The following OLFM4 variants were observed in gnomAD, a reference collection of about 807,000 sequenced individuals.
OLFM4 encodes olfactomedin-4.
Under a neutral mutation model 25.5 loss-of-function variants are expected in OLFM4, and 22 were observed. That is an observed-to-expected ratio of 0.86 (90% CI 0.62 to 1.23). The LOEUF is 1.23. OLFM4 is among the 50% of genes most tolerant of loss of function. The probability of loss-of-function intolerance (pLI) is 0.00; values close to 1 mark genes in which losing one functional copy is unlikely to be tolerated. For synonymous variants in OLFM4, 255 were observed against 237.7 expected (o/e 1.07, Z -0.67); for missense variants, 594 against 619.4 (o/e 0.96, Z 0.44).
chr13:53,041,742 A>G (rs978240692), intron 2 of OLFM4, among the ~76,000 whole-genome samples, 168 bp from the exon 3 acceptor site: 7 of 152,350 alleles, frequency 4.6e-5, no homozygotes, highest in Middle Eastern at 3.4e-3. Context: ...AGTTCTTTGT[A>G]TATGGATAGA....
intron 2 of OLFM4, among the ~76,000 whole-genome samples, chr13:53,034,989 T>G (rs903962851): frequency 1.3e-5 from 2 of 152,108 alleles, no homozygotes; most frequent in African/African-American, 4.8e-5. Flanking sequence ...CCTCAATCCT[T>G]GCCCTTATTC....
Position 53,043,782 on chromosome 13 carries a change from C to T in OLFM4, c.730+518C>T, listed in dbSNP as rs76593184. 5.2e-3 allele frequency among the ~76,000 whole-genome samples: 787 copies of T among 152,030 alleles called. 4 individuals carry two copies. The highest frequency in any genetic ancestry group is 9.1e-3 in the Non-Finnish European group (621 of 67,974). ...GCTGAGCACCTGCTATATTGTGTGT[C>T]CTGAGATTCAGTGAGGATTAAAGGA... On this transcript the variant is annotated intron_variant, in intron 4 of 4. Transcript: ENST00000219022.
At chr13:53,029,134 G>A in intron 1 of OLFM4, 94 bp downstream of exon 1, 1 of 1,543,796 alleles carries the variant, frequency 6.5e-7, no homozygotes, top group Non-Finnish European at 8.7e-7. Flanking sequence ...CTAGACCTGG[G>A]CACTCTAAAA....
chr13:53,040,413 G>A (rs573381950), intron 2 of OLFM4, among the ~76,000 whole-genome samples: 1 of 152,316 alleles, frequency 6.6e-6, no homozygotes, highest in Admixed American at 6.5e-5. Flanking sequence ...GTAGTAGGTT[G>A]GATCTCTATG....
chr13:53,050,937 G>T lies in OLFM4; in HGVS notation c.*166G>T. The T allele has an allele frequency of 1.6e-6, 1 of 617,568 alleles. No homozygotes were observed. 38.3% of individuals were successfully genotyped at this position (617,568 alleles called of 1,614,324 possible). A position where few individuals can be genotyped will look rare whatever the true frequency, so the allele number is the denominator to read the frequency against. The stretch of plus-strand genomic sequence containing the variant: ...TCTAGGACATTTGTCTTGATTTGGT[G>T]AGTTCTCTTGGGAATCATCTGCCTC... On this transcript the variant is annotated 3_prime_UTR_variant, in exon 5 of 5. Transcript: ENST00000219022.
chr13:53,029,915 A>G (rs917146794), intron 1 of OLFM4, among the ~76,000 whole-genome samples: 2 of 152,142 alleles, frequency 1.3e-5, no homozygotes, highest in African/African-American at 4.8e-5. Context: ...TTAGGAGGTA[A>G]GAAGCAGTTA....
rs117467689 is a variant in OLFM4, at chr13:53,036,723, G to A, written c.357+2223G>A. Among the ~76,000 whole-genome samples, 115 of 152,306 alleles carry A rather than the reference G, an allele frequency of 7.6e-4. No individual in the cohort carries two copies. In the East Asian group the frequency reaches 0.02, roughly 26 times the overall value. ...GGTGATAATAACAACAATAATAGTA[G>A]CAGTTTGTTTGTGCTTTTTCAAATG... On this transcript the variant is annotated intron_variant, in intron 2 of 4. Transcript: ENST00000219022.
chr13:53,050,331 C>T lies in OLFM4; in HGVS notation c.1093C>T (p.Pro365Ser), dbSNP rs1347678075. Residue 365 changes from proline (P) to serine (S), a missense_variant, in exon 5 of 5, where the codon CCT (proline) becomes TCT (serine). Physicochemically the swap from Pro to Ser is moderately conservative, Grantham distance 74. Transcript: ENST00000219022. The stretch of plus-strand genomic sequence containing the variant: ...CACGATTGCTGTGACTCAAACTCTC[C>T]CTAATGCTGCCTATAATAACCGCTT... ...TNTIAVTQTL[P>S]NAAYNNRFSY... 3.8e-5 allele frequency: 62 copies of T among 1,613,950 alleles called. No individual in the cohort carries two copies. The highest frequency in any genetic ancestry group is 5.3e-5 in the Non-Finnish European group (62 of 1,179,976).
intron 4 of OLFM4, among the ~76,000 whole-genome samples, chr13:53,047,872 T>A (rs530733108): frequency 1.6e-4 from 25 of 152,294 alleles, no homozygotes; most frequent in African/African-American, 6.0e-4. Context: ...ATAAGTTATA[T>A]GCATCATCAA....
intron 2 of OLFM4, among the ~76,000 whole-genome samples, chr13:53,036,945 A>G (rs922909168): frequency 1.3e-5 from 2 of 152,206 alleles, no homozygotes; most frequent in African/African-American, 4.8e-5. Flanking sequence ...CCTCTTGGCC[A>G]TGCTGTTAGC....
chr13:53,043,169 T>G lies in OLFM4; in HGVS notation c.635T>G (p.Ile212Ser). Residue 212 changes from isoleucine (I) to serine (S), a missense_variant, in exon 4 of 5, where the codon ATT (isoleucine) becomes AGT (serine). By Grantham distance (142) the Ile-to-Ser change is moderately radical. Transcript: ENST00000219022. The part of the protein sequence containing the change: ...ETLDKNNVLA[I>S]RREIVALKTK... ...CTAGACAAAAACAATGTCCTTGCCATTCGCCGAGAAATCGTGGCTCTGAAG... is the reference window on the plus strand; with the variant it reads ...CTAGACAAAAACAATGTCCTTGCCAGTCGCCGAGAAATCGTGGCTCTGAAG... The G allele has an allele frequency of 3.1e-6, 5 of 1,613,490 alleles. No homozygotes were observed. The highest frequency in any genetic ancestry group is 4.2e-6 in the Non-Finnish European group (5 of 1,179,672).
intron 4 of OLFM4, among the ~76,000 whole-genome samples, chr13:53,045,094 G>C (rs905849299): frequency 6.6e-6 from 1 of 152,086 alleles, no homozygotes; most frequent in Non-Finnish European, 1.5e-5. Context: ...GCAAGGCAAG[G>C]GTCTTTGCTC....
chr13:53,044,176 A>G (rs1954703200), intron 4 of OLFM4, among the ~76,000 whole-genome samples: 1 of 152,192 alleles, frequency 6.6e-6, no homozygotes, highest in Non-Finnish European at 1.5e-5. Context: ...CTGGCAATGG[A>G]TATTGTTAAT....
rs896990562 is a variant in OLFM4, at chr13:53,050,893, A to G, written c.*122A>G. 4 of 781,476 alleles carry G rather than the reference A, an allele frequency of 5.1e-6. No homozygotes were observed. The African/African-American group carries it at 7.0e-5, about 14-fold the overall frequency. The allele number at this position is 781,476 out of a possible 1,614,324, so 48.4% of individuals were successfully genotyped here. On this transcript the variant is annotated 3_prime_UTR_variant, in exon 5 of 5. Transcript: ENST00000219022. ...ATTTTGCAGCAATGTTTAGGTGCAT[A>G]GTTCTACCACACTAGAGATCTAGGA...
At chr13:53,048,199 AAAT>A (rs1450366364) in intron 4 of OLFM4, among the ~76,000 whole-genome samples, 1 of 152,212 alleles carries the variant, frequency 6.6e-6, no homozygotes, top group East Asian at 1.9e-4. Context: ...TTAGTAGAAG[AAAT>A]AATAATTTAT....
chr13:53,036,986 A>C (rs961615453), intron 2 of OLFM4, among the ~76,000 whole-genome samples: 28 of 152,216 alleles, frequency 1.8e-4, no homozygotes, highest in African/African-American at 6.8e-4. Flanking sequence ...GAAGAGATGC[A>C]GTAGTAATGC....
chr13:53,045,513 C>A (rs1212261988), intron 4 of OLFM4, among the ~76,000 whole-genome samples: 1 of 152,170 alleles, frequency 6.6e-6, no homozygotes, highest in Non-Finnish European at 1.5e-5. Context: ...ATTGGAAAAT[C>A]CCCAAGCACC....
chr13:53,039,134 A>G (rs1954674601), intron 2 of OLFM4, among the ~76,000 whole-genome samples: 2 of 152,230 alleles, frequency 1.3e-5, no homozygotes, highest in Non-Finnish European at 1.5e-5. Context: ...TGACAGTTGA[A>G]TCACTCATTT....
At chr13:53,046,119 T>A (rs1954714073) in intron 4 of OLFM4, among the ~76,000 whole-genome samples, 1 of 152,168 alleles carries the variant, frequency 6.6e-6, no homozygotes, top group Non-Finnish European at 1.5e-5. Flanking sequence ...CAGAGTCAAT[T>A]TAGTCTTAAT....
Sources: gnomAD v4.1 joint callset for allele counts (sites outside exome capture counted in the v4.1 genomes callset) on GRCh38, gnomAD v4.1.1 for gene constraint, MANE v1.5 for transcripts, NCBI Gene and HGNC (gene_info 2026-07-23, HGNC 2026-07-21) for gene names.